GLYATL2: variants seen among roughly 807,000 people sequenced by gnomAD.
The protein encoded by GLYATL2 is glycine N-acyltransferase-like protein 2.
A neutral mutation model predicts 21.4 loss-of-function variants in GLYATL2; 25 were observed. That is an observed-to-expected ratio of 1.17 (90% CI 0.85 to 1.63). The LOEUF is 1.63. Ranked by LOEUF, GLYATL2 falls within the 40% of genes most tolerant of loss-of-function variation. GLYATL2 has a pLI of 0.00. For missense variants in GLYATL2, 361 were observed against 343.3 expected (o/e 1.05, Z -0.41); for synonymous variants, 114 against 118.2 (o/e 0.96, Z 0.23).
intron 5 of GLYATL2, among the ~76,000 whole-genome samples, chr11:58,836,508 T>G (rs1308401165): frequency 6.6e-6 from 1 of 152,308 alleles, no homozygotes; most frequent in Middle Eastern, 3.4e-3. Flanking sequence ...TTCAGATATA[T>G]TTACACAACT....
chr11:58,899,468 A>C (rs1854694898), intron 1 of GLYATL2, among the ~76,000 whole-genome samples: 1 of 152,246 alleles, frequency 6.6e-6, no homozygotes, highest in Non-Finnish European at 1.5e-5. Flanking sequence ...TATATGAAAA[A>C]CAACACATGA....
At chr11:58,838,408 T>A in intron 2 of GLYATL2, 40 bp from the exon 3 acceptor site, 1 of 1,214,768 alleles carries the variant, frequency 8.2e-7, no homozygotes, top group Non-Finnish European at 1.2e-6. Context: ...GATGAAGTTC[T>A]TCTCCAATAT....
intron 1 of GLYATL2, among the ~76,000 whole-genome samples, chr11:58,860,050 T>C (rs1853903606): frequency 6.6e-6 from 1 of 152,200 alleles, no homozygotes; most frequent in Non-Finnish European, 1.5e-5. Flanking sequence ...TTAGGTAGTG[T>C]GATATCTGCA....
chr11:58,890,339 G>T (rs998002761), intron 1 of GLYATL2, among the ~76,000 whole-genome samples: 3 of 152,036 alleles, frequency 2.0e-5, no homozygotes, highest in Non-Finnish European at 4.4e-5. Context: ...AAAAGAAAAT[G>T]ACTCAATCTA....
upstream of GLYATL2, chr11:58,907,177 ATACTT>A (rs1565114953): frequency 6.7e-6 from 3 of 450,296 alleles, no homozygotes; most frequent in East Asian, 7.0e-5. Flanking sequence ...ACACAGTTGA[ATACTT>A]TAGGGGAAAC....
chr11:58,858,413 T>C (rs1853870292), intron 1 of GLYATL2, among the ~76,000 whole-genome samples: 1 of 152,190 alleles, frequency 6.6e-6, no homozygotes, highest in Non-Finnish European at 1.5e-5. Flanking sequence ...TAGATAATGC[T>C]TTGTTATAAA....
At chr11:58,854,219 G>A (rs937415469) in intron 1 of GLYATL2, among the ~76,000 whole-genome samples, 7 of 152,220 alleles carry the variant, frequency 4.6e-5, no homozygotes, top group African/African-American at 1.4e-4. Context: ...TAGACACTTA[G>A]GTTGACTCTA....
intron 1 of GLYATL2, among the ~76,000 whole-genome samples, chr11:58,883,189 A>G (rs1034628885): frequency 6.6e-6 from 1 of 152,242 alleles, no homozygotes; most frequent in Non-Finnish European, 1.5e-5. Flanking sequence ...ATCCATGAGC[A>G]TGGAATGTTC....
intron 1 of GLYATL2, chr11:58,885,644 G>A (rs914492527): frequency 2.4e-5 from 7 of 286,182 alleles, no homozygotes; most frequent in African/African-American, 8.7e-5. Context: ...GAAAGGAAAC[G>A]TGAGTATTTT....
chr11:58,880,528 C>A (rs1031281796), intron 1 of GLYATL2, among the ~76,000 whole-genome samples: 5 of 151,934 alleles, frequency 3.3e-5, no homozygotes, highest in Non-Finnish European at 5.9e-5. Flanking sequence ...TTAAAACTTA[C>A]AAAATTTTTA....
At chr11:58,892,518 A>G (rs1435376486) in intron 1 of GLYATL2, 1 of 181,678 alleles carries the variant, frequency 5.5e-6, no homozygotes, top group African/African-American at 2.4e-5. Context: ...AGGTAGAACA[A>G]TCTGTGGTGT....
chr11:58,905,315 C>T (rs897968671), upstream of GLYATL2: 3 of 390,948 alleles, frequency 7.7e-6, no homozygotes, highest in Non-Finnish European at 1.6e-5. Flanking sequence ...GCCTGCTCTG[C>T]GACTTGCAGT....
At chr11:58,900,462 C>A (rs1452085612) in intron 1 of GLYATL2, among the ~76,000 whole-genome samples, 1 of 152,158 alleles carries the variant, frequency 6.6e-6, no homozygotes, top group Non-Finnish European at 1.5e-5. Flanking sequence ...TATCTCTCTC[C>A]CTATTCTCTC....
intron 1 of GLYATL2, among the ~76,000 whole-genome samples, chr11:58,860,679 T>G (rs1168191195): frequency 6.6e-6 from 1 of 152,108 alleles, no homozygotes; most frequent in African/African-American, 2.4e-5. Flanking sequence ...GCCTTGTCCT[T>G]AATCTTAGAA....
intron 1 of GLYATL2, chr11:58,893,019 A>T: frequency 5.9e-6 from 2 of 336,326 alleles, no homozygotes; most frequent in Non-Finnish European, 1.1e-5. Context: ...AGTGCCTGGG[A>T]TCTCTTCTTT....
intron 1 of GLYATL2, among the ~76,000 whole-genome samples, chr11:58,881,720 A>T (rs1854338730): frequency 1.3e-5 from 2 of 152,042 alleles, no homozygotes; most frequent in South Asian, 2.1e-4. Flanking sequence ...TATTTCTCTT[A>T]ATGCCATCCC....
intron 1 of GLYATL2, among the ~76,000 whole-genome samples, chr11:58,871,056 A>G (rs1157798350): frequency 6.6e-6 from 1 of 152,240 alleles, no homozygotes. Context: ...TAGATTTACC[A>G]TCAACTAAGT....
At chr11:58,852,246 AGT>A (rs1485175049) in intron 1 of GLYATL2, among the ~76,000 whole-genome samples, 11 of 152,180 alleles carry the variant, frequency 7.2e-5, no homozygotes, top group Non-Finnish European at 1.6e-4. Context: ...AAAATTCTGC[AGT>A]AGGGGCTATT....
intron 1 of GLYATL2, among the ~76,000 whole-genome samples, chr11:58,855,917 A>G (rs1486357936): frequency 6.6e-6 from 1 of 152,110 alleles, no homozygotes; most frequent in Non-Finnish European, 1.5e-5. Context: ...TGAGGTCAGG[A>G]GTTTGAGACC....
Sources: gnomAD v4.1 joint callset for allele counts (sites outside exome capture counted in the v4.1 genomes callset) on GRCh38, gnomAD v4.1.1 for gene constraint, MANE v1.5 for transcripts, NCBI Gene and HGNC (gene_info 2026-07-23, HGNC 2026-07-21) for gene names.